USH2A: variants seen among roughly 807,000 people sequenced by gnomAD.
The protein encoded by USH2A is usherin.
In USH2A, 443 loss-of-function variants were observed where a neutral mutation model predicts 538.9. The ratio of observed to expected loss-of-function variants is 0.82; its 90% confidence interval spans 0.76 to 0.89. The LOEUF is 0.89. USH2A is among the 40% of genes least tolerant of loss of function. USH2A has a pLI of 0.00. For synonymous variants in USH2A, 2,413 were observed against 2,273.5 expected, an observed-to-expected ratio of 1.06 and a Z score of -1.75; for missense variants, 6,633 against 6,324.8, an observed-to-expected ratio of 1.05 and a Z score of -1.65.
intron 21 of USH2A, among the ~76,000 whole-genome samples, chr1:216,168,725 GA>G (rs1169262633): frequency 6.6e-6 from 1 of 152,044 alleles, no homozygotes; most frequent in Non-Finnish European, 1.5e-5. Context: ...ATCACTGTTG[GA>G]AAATTTAAGA....
chr1:215,799,113 C>T lies in USH2A; in HGVS notation c.9752G>A (p.Cys3251Tyr), dbSNP rs1662226620. The change falls in exon 50 of 72, where the codon TGT (cysteine) becomes TAT (tyrosine). Residue 3251 changes from cysteine (C) to tyrosine (Y), a missense_variant. Transcript: ENST00000307340. ...AACCCGATTGTGCTGTTCATCTGGA[C>T]AGCATACTTCACCTGTCAATTTAGG... ...YARILPGEVC[C>Y]PDEQHNRVSV... The T allele has an allele frequency of 1.2e-6, 2 of 1,613,740 alleles. No individual in the cohort carries two copies. Among genetic ancestry groups the T allele is most frequent in the Non-Finnish European group, 1.7e-6 (2 of 1,179,884 alleles).
rs12097453 is a variant in USH2A, at chr1:215,765,449, T to C, written c.11047+1232A>G. Among the ~76,000 whole-genome samples the C allele has an allele frequency of 7.5e-3, 1,137 of 152,272 alleles. 12 individuals are homozygous for C. Among genetic ancestry groups the C allele is most frequent in the African/African-American group, 0.026 (1,091 of 41,570 alleles). On this transcript the variant is annotated intron_variant, in intron 56 of 71. Coordinates refer to ENST00000307340, the MANE Select transcript of USH2A (RefSeq NM_206933.4). ...TTCCGAGGTACAACAATCCATTTCA[T>C]TAGAAGAGTAATGGACAAGTAGTTC...
chr1:216,247,815 T>G (rs1235188875), intron 12 of USH2A, among the ~76,000 whole-genome samples: 1 of 152,136 alleles, frequency 6.6e-6, no homozygotes, highest in Non-Finnish European at 1.5e-5. Flanking sequence ...GATGGATACA[T>G]TAATTAGCTG....
intron 4 of USH2A, among the ~76,000 whole-genome samples, chr1:216,347,859 G>A (rs1407774296): frequency 3.9e-5 from 6 of 152,078 alleles, no homozygotes; most frequent in African/African-American, 1.2e-4. Context: ...TTGAATGCAC[G>A]TTTCTAATAA....
intron 38 of USH2A, among the ~76,000 whole-genome samples, chr1:215,918,279 T>C (rs28758286): frequency 1.3e-5 from 2 of 152,206 alleles, no homozygotes; most frequent in Non-Finnish European, 2.9e-5. Context: ...TCTATGTCCC[T>C]CCTATAATTC....
At chr1:216,158,612 A>C (rs1268834867) in intron 21 of USH2A, among the ~76,000 whole-genome samples, 1 of 152,214 alleles carries the variant, frequency 6.6e-6, no homozygotes, top group Non-Finnish European at 1.5e-5. Context: ...TATACTATAC[A>C]TGCTTACCTA....
chr1:216,097,502 G>A (rs1023697196), intron 21 of USH2A, among the ~76,000 whole-genome samples: 2 of 151,898 alleles, frequency 1.3e-5, no homozygotes, highest in Non-Finnish European at 1.5e-5. Context: ...ACCCAAAATT[G>A]GATACTCAGA....
chr1:216,370,563 C>T (rs1052309405), intron 3 of USH2A, among the ~76,000 whole-genome samples: 13 of 144,592 alleles, frequency 9.0e-5, no homozygotes, highest in East Asian at 4.3e-4. Flanking sequence ...GCCTGTAATC[C>T]GGGCTACTCG....
chr1:216,247,781 A>C (rs1257441067), intron 12 of USH2A, among the ~76,000 whole-genome samples: 3 of 152,124 alleles, frequency 2.0e-5, no homozygotes, highest in Non-Finnish European at 4.4e-5. Context: ...TTCTCACCCC[A>C]AAAACATGAT....
intron 22 of USH2A, among the ~76,000 whole-genome samples, chr1:216,093,402 A>G (rs1376366943): frequency 1.3e-5 from 2 of 151,678 alleles, no homozygotes; most frequent in African/African-American, 2.4e-5. Context: ...TGTGAATGAG[A>G]AGGGTAAGGG....
intron 61 of USH2A, among the ~76,000 whole-genome samples, chr1:215,683,953 C>T (rs113280254): frequency 1.2e-3 from 155 of 128,922 alleles, no homozygotes; most frequent in African/African-American, 4.0e-3. Flanking sequence ...CCATATTGTA[C>T]GTAATTCTAC....
chr1:215,785,392 C>T (rs2102765743), intron 52 of USH2A, among the ~76,000 whole-genome samples: 1 of 152,268 alleles, frequency 6.6e-6, no homozygotes, highest in East Asian at 1.9e-4. Flanking sequence ...AAAGTCTGTC[C>T]CTTTTGATGA....
At position 215,867,087 on chromosome 1, in the gene USH2A, G is replaced by GCTAA; in HGVS notation, c.8761_8764dup (p.Ala2922ValfsTer17). 6.2e-7 allele frequency: 1 copy of GCTAA among 1,614,146 alleles called. No homozygotes were observed. Among genetic ancestry groups the GCTAA allele is most frequent in the Non-Finnish European group, 8.5e-7 (1 of 1,180,008 alleles). ...ATTGGCTCCTCTCTCTGGAAGACCA[G>GCTAA]CTAACGTTGTCACAGTCACTTCTCG... is the stretch of plus-strand genomic sequence containing the variant. On this transcript the variant is annotated frameshift_variant, in exon 44 of 72. Coordinates refer to ENST00000307340, the MANE Select transcript of USH2A (RefSeq NM_206933.4). LOFTEE classifies it high-confidence loss of function.
chr1:216,149,906 G>A (rs1004229766), intron 21 of USH2A, among the ~76,000 whole-genome samples: 3 of 152,136 alleles, frequency 2.0e-5, no homozygotes, highest in Admixed American at 6.5e-5. Context: ...TGTGTCCATC[G>A]GACAGCCAGC....
At chr1:215,866,507 G>A (rs1028376606) in intron 44 of USH2A, among the ~76,000 whole-genome samples, 4 of 152,160 alleles carry the variant, frequency 2.6e-5, no homozygotes, top group African/African-American at 9.7e-5. Context: ...GTCTGAAGAT[G>A]ATCCACTGGG....
chr1:215,889,606 T>C (rs747791569), intron 40 of USH2A, among the ~76,000 whole-genome samples: 22 of 152,196 alleles, frequency 1.4e-4, no homozygotes, highest in Non-Finnish European at 2.9e-4. Flanking sequence ...GATTTTTTAC[T>C]GTGGCTGTGA....
intron 21 of USH2A, among the ~76,000 whole-genome samples, chr1:216,097,614 T>C (rs2032471292): frequency 6.6e-6 from 1 of 152,156 alleles, no homozygotes; most frequent in African/African-American, 2.4e-5. Context: ...TTATGAAGTT[T>C]AAAGAATCGG....
chr1:215,716,613 T>C (rs1163612833), intron 61 of USH2A, among the ~76,000 whole-genome samples: 1 of 152,216 alleles, frequency 6.6e-6, no homozygotes, highest in Admixed American at 6.5e-5. Context: ...GTTAAAAATA[T>C]ACTGTAATTT....
intron 32 of USH2A, among the ~76,000 whole-genome samples, chr1:216,041,549 G>A (rs941969718): frequency 6.6e-6 from 1 of 152,124 alleles, no homozygotes; most frequent in African/African-American, 2.4e-5. Flanking sequence ...AAATGAAGTA[G>A]GAGTGAGAAA....
Sources: gnomAD v4.1 joint callset for allele counts (sites outside exome capture counted in the v4.1 genomes callset) on GRCh38, gnomAD v4.1.1 for gene constraint, MANE v1.5 for transcripts, NCBI Gene and HGNC (gene_info 2026-07-23, HGNC 2026-07-21) for gene names.